UVRAG: variants seen among roughly 807,000 people sequenced by gnomAD.
The protein encoded by UVRAG is UV radiation resistance-associated gene protein.
UVRAG carries 19 observed loss-of-function variants against 78.0 expected under a neutral mutation model. That is an observed-to-expected ratio of 0.24 (90% confidence interval 0.17 to 0.36). The LOEUF (loss-of-function observed/expected upper bound fraction) is 0.36, where lower values mean the gene tolerates loss of function less well. Ranked by LOEUF, UVRAG falls within the 10% of genes least tolerant of loss-of-function variation. The pLI is 1.00. For missense variants in UVRAG, 740 were observed against 853.8 expected (o/e 0.87, Z 1.66); for synonymous variants, 323 against 324.6 (o/e 1.00, Z 0.05).
chr11:75,947,552 CAT>C (rs966672469), intron 6 of UVRAG, among the ~76,000 whole-genome samples: 1 of 152,166 alleles, frequency 6.6e-6, no homozygotes, highest in African/African-American at 2.4e-5. Flanking sequence ...AGCTTGGACA[CAT>C]ATATTTGGAA....
intron 1 of UVRAG, among the ~76,000 whole-genome samples, chr11:75,830,531 A>G (rs1384203267): frequency 6.6e-6 from 1 of 152,090 alleles, no homozygotes; most frequent in Non-Finnish European, 1.5e-5. Context: ...TCCGCCTCCC[A>G]AAGTGTTGGG....
chr11:76,019,200 A>G lies in UVRAG; in HGVS notation c.1226+2220A>G, dbSNP rs548709690. ...CACTTGATTCTTTTTAATTATTTCA[A>G]TCTCTTTGTTAAATTTATCTGATAG... On this transcript the variant is annotated intron_variant, in intron 12 of 14. Coordinates refer to ENST00000356136, the MANE Select transcript of UVRAG (RefSeq NM_003369.4). Among the ~76,000 whole-genome samples, 25 of 152,164 alleles carry G rather than the reference A, an allele frequency of 1.6e-4. No homozygotes were observed. In the East Asian group the frequency reaches 2.9e-3, roughly 18 times the overall value.
intron 1 of UVRAG, among the ~76,000 whole-genome samples, chr11:75,828,153 T>A (rs1164524704): frequency 2.6e-5 from 4 of 152,166 alleles, no homozygotes; most frequent in Admixed American, 6.5e-5. Context: ...ATTATAGAAT[T>A]ATATATGTAT....
intron 5 of UVRAG, 74 bp from the exon 6 acceptor site, chr11:75,911,880 G>T: frequency 9.6e-7 from 1 of 1,037,808 alleles, no homozygotes. Context: ...TTTTTAAAAA[G>T]ACAAGCATGA....
intron 7 of UVRAG, among the ~76,000 whole-genome samples, chr11:75,965,819 T>C (rs1199032678): frequency 6.6e-6 from 1 of 152,202 alleles, no homozygotes; most frequent in Non-Finnish European, 1.5e-5. Context: ...TGCTAGTTAT[T>C]TATAGTTTTT....
intron 5 of UVRAG, among the ~76,000 whole-genome samples, chr11:75,898,097 C>T (rs1432024477): frequency 1.3e-5 from 2 of 151,870 alleles, no homozygotes; most frequent in Non-Finnish European, 2.9e-5. Flanking sequence ...TCTTGAACTC[C>T]TGACCTCGTG....
chr11:76,013,455 T>C (rs564447407), intron 11 of UVRAG, among the ~76,000 whole-genome samples: 8 of 152,336 alleles, frequency 5.3e-5, no homozygotes, highest in Admixed American at 2.0e-4. Context: ...ACAAAACTAT[T>C]GTCTGTGACC....
At chr11:76,068,517 G>A (rs868121917) in intron 13 of UVRAG, among the ~76,000 whole-genome samples, 34 of 152,244 alleles carry the variant, frequency 2.2e-4, no homozygotes, top group Non-Finnish European at 3.8e-4. Flanking sequence ...TCACACTGGA[G>A]GCAGTTTTAA....
At position 76,143,054 on chromosome 11, in the gene UVRAG, C is replaced by T. The variant is rs575666013; in HGVS notation, c.*1641C>T. 1 of 152,334 alleles carries T rather than the reference C, an allele frequency of 6.6e-6. No individual in the cohort carries two copies. Among genetic ancestry groups the T allele is most frequent in the South Asian group, 2.1e-4 (1 of 4,824 alleles). 9.4% of individuals were successfully genotyped at this position (152,334 alleles called of 1,614,324 possible). On this transcript the variant is annotated 3_prime_UTR_variant, in exon 15 of 15. Coordinates refer to ENST00000356136, the MANE Select transcript of UVRAG (RefSeq NM_003369.4). ...TCTTCCTCCACATGAAGAAGTGGGG[C>T]TCCTTCACCTAGAGCAGGAGCTTCT...
At chr11:76,108,773 G>T (rs1353378860) in intron 13 of UVRAG, among the ~76,000 whole-genome samples, 2 of 152,052 alleles carry the variant, frequency 1.3e-5, no homozygotes, top group Admixed American at 6.6e-5. Flanking sequence ...ATCTTCCTGG[G>T]TTTTTTTAGC....
At chr11:76,134,706 A>G (rs191935322) in intron 14 of UVRAG, among the ~76,000 whole-genome samples, 62 of 152,286 alleles carry the variant, frequency 4.1e-4, no homozygotes, top group African/African-American at 1.3e-3. Context: ...CATAATGACA[A>G]CCACCACAAT....
intron 6 of UVRAG, chr11:75,916,865 A>G (rs146048317): frequency 2.0e-5 from 3 of 152,318 alleles, no homozygotes; most frequent in Middle Eastern, 3.4e-3. Context: ...AGACCAATTA[A>G]GCCAGTTTCT....
At position 75,815,260 on chromosome 11, in the gene UVRAG, A is replaced by AGCGGCGGCG. The variant is rs1476289106; in HGVS notation, c.-145_-137dup. The AGCGGCGGCG allele has an allele frequency of 1.1e-4, 50 of 466,816 alleles. No homozygotes were observed. Among genetic ancestry groups the AGCGGCGGCG allele is most frequent in the African/African-American group, 3.1e-4 (15 of 49,120 alleles). 28.9% of individuals were successfully genotyped at this position (466,816 alleles called of 1,614,324 possible). A position where few individuals can be genotyped will look rare whatever the true frequency, so the allele number is the denominator to read the frequency against. On this transcript the variant is annotated 5_prime_UTR_variant, in exon 1 of 15. Transcript: ENST00000356136. ...CGGCGGCAACGGCGGCAGCGGCGGC[A>AGCGGCGGCG]GCGGCGGCGGCTACTGTCTGGGCTG...
chr11:75,933,642 A>G (rs1051246453), intron 6 of UVRAG, among the ~76,000 whole-genome samples: 2 of 152,214 alleles, frequency 1.3e-5, no homozygotes, highest in African/African-American at 2.4e-5. Context: ...AAGGAGCTCA[A>G]ACAACTCTGG....
intron 13 of UVRAG, among the ~76,000 whole-genome samples, chr11:76,115,023 T>C (rs1171789013): frequency 6.6e-6 from 1 of 152,230 alleles, no homozygotes; most frequent in Non-Finnish European, 1.5e-5. Flanking sequence ...CAGAGCTGTG[T>C]TGTCCACTTA....
intron 14 of UVRAG, among the ~76,000 whole-genome samples, chr11:76,120,265 C>A (rs1952251055): frequency 6.6e-6 from 1 of 152,072 alleles, no homozygotes. Flanking sequence ...ATTACAAATA[C>A]AAAATTAGAG....
intron 12 of UVRAG, among the ~76,000 whole-genome samples, chr11:76,055,074 G>A (rs932391088): frequency 8.5e-5 from 13 of 152,082 alleles, no homozygotes; most frequent in Admixed American, 6.6e-5. Flanking sequence ...AGCTGCCTAC[G>A]ATTAATCCTG....
chr11:75,857,144 C>T (rs1171908971), intron 2 of UVRAG, among the ~76,000 whole-genome samples: 6 of 152,336 alleles, frequency 3.9e-5, no homozygotes, highest in South Asian at 2.1e-4. Context: ...CATGCAACTC[C>T]GTCAGTCTGT....
At chr11:76,072,456 G>A (rs779376129) in intron 13 of UVRAG, among the ~76,000 whole-genome samples, 14 of 152,170 alleles carry the variant, frequency 9.2e-5, no homozygotes, top group Non-Finnish European at 2.1e-4. Context: ...TGTTTATGCT[G>A]ATGAGAGTGA....
Sources: allele counts gnomAD v4.1 joint callset (sites outside exome capture counted in the v4.1 genomes callset), GRCh38; gene constraint gnomAD v4.1.1; transcripts MANE v1.5; gene names NCBI Gene and HGNC (gene_info 2026-07-23, HGNC 2026-07-21).